The following AP4M1 variants were observed in gnomAD, a reference collection of about 807,000 sequenced individuals.
AP4M1 encodes the protein adaptor related protein complex 4 subunit mu 1.
Under a neutral mutation model 62.4 loss-of-function variants are expected in AP4M1, and 58 were observed. The observed-to-expected ratio is 0.93, with a 90% CI of 0.75 to 1.16. AP4M1 has a LOEUF of 1.16. AP4M1 is among the 50% of genes most tolerant of loss of function. AP4M1 has a pLI of 0.00. For synonymous variants in AP4M1, 290 were observed against 239.7 expected, an observed-to-expected ratio of 1.21 and a Z score of -1.94; for missense variants, 626 against 585.4, an observed-to-expected ratio of 1.07 and a Z score of -0.72.
In AP4M1 at chr7:100,102,728, G is replaced by T; in HGVS notation, c.201G>T (p.Val67=). The change falls in exon 3 of 15, where the codon GTG becomes GTT. Residue 67 remains valine (V), a synonymous_variant. Transcript: ENST00000359593. ...IHIRHSGLYL[V]VTTSENVSPF... Reference sequence around the variant, plus strand: ...TCAGACACAGCGGCCTCTATTTGGTGGTCACAACTTCAGAAAACGTTTCTC... The same window carrying T: ...TCAGACACAGCGGCCTCTATTTGGTTGTCACAACTTCAGAAAACGTTTCTC... The T allele has an allele frequency of 3.1e-6, 5 of 1,614,108 alleles. No homozygotes were observed. The highest frequency in any genetic ancestry group is 4.2e-6 in the Non-Finnish European group (5 of 1,180,018).
intron 7 of AP4M1, 135 bp from the exon 8 acceptor site, chr7:100,104,739 G>T (rs1046651489): frequency 2.0e-5 from 19 of 932,248 alleles, no homozygotes; most frequent in Non-Finnish European, 2.9e-5. Context: ...GCTGAGGCAG[G>T]AGAATGTCTT....
intron 10 of AP4M1, 25 bp downstream of exon 10, chr7:100,105,371 A>G (rs760489210): frequency 6.2e-7 from 1 of 1,613,574 alleles, no homozygotes; most frequent in East Asian, 2.2e-5. Context: ...GGCCTCATAA[A>G]TTCCGTCCAC....
rs1412502528 is a variant in AP4M1, at chr7:100,107,816, G to C, written c.*934G>C. 8 of 1,432,318 alleles carry C rather than the reference G, an allele frequency of 5.6e-6. No individual in the cohort carries two copies. In the African/African-American group the frequency reaches 7.2e-5, roughly 13 times the overall value. The allele number at this position is 1,432,318 out of a possible 1,614,324, so 88.7% of individuals were successfully genotyped here. ...AGGACCCTGGTGGGCGCCTCTTCCA[G>C]CTCTTGACTTGGGGCCCAGAGGGGA... is the stretch of plus-strand genomic sequence containing the variant. On this transcript the variant is annotated 3_prime_UTR_variant, in exon 15 of 15. Coordinates refer to ENST00000359593, the MANE Select transcript of AP4M1 (RefSeq NM_004722.4).
rs181205097 is a variant in AP4M1, at chr7:100,103,111, G to T, written c.351+151G>T. On this transcript the variant is annotated intron_variant, in intron 4 of 14. Coordinates refer to ENST00000359593, the MANE Select transcript of AP4M1 (RefSeq NM_004722.4). The stretch of plus-strand genomic sequence containing the variant: ...TTTAGAGACAGGGTCTTGCTCTGTT[G>T]CCCAGGCTGGACTGCAGTGGTGCAG... The T allele has an allele frequency of 5.8e-3, 3,911 of 674,416 alleles. 31 individuals are homozygous for T. The highest frequency in any genetic ancestry group is 0.011 in the South Asian group (647 of 58,046). 41.8% of individuals were successfully genotyped at this position (674,416 alleles called of 1,614,324 possible).
At chr7:100,106,594 C>G in intron 14 of AP4M1, 64 bp from the exon 15 acceptor site, 1 of 986,580 alleles carries the variant, frequency 1.0e-6, no homozygotes, top group Non-Finnish European at 1.5e-6. Flanking sequence ...GCAGCTGCTG[C>G]CTGGTTCCCC....
At chr7:100,101,557 G>A (rs777456523), upstream of AP4M1, 6 of 839,038 alleles carry the variant, frequency 7.2e-6, no homozygotes, top group African/African-American at 8.4e-5. Context: ...ATCTCCGGGC[G>A]GGGTAGTGCA....
intron 2 of AP4M1, chr7:100,102,197 A>G (rs1488904537): frequency 1.6e-6 from 1 of 626,652 alleles, no homozygotes; most frequent in Non-Finnish European, 2.8e-6. Context: ...CCTGGCCAAC[A>G]TGGTGAAACT....
upstream of AP4M1, chr7:100,101,443 G>A: frequency 1.8e-6 from 2 of 1,094,110 alleles, no homozygotes; most frequent in Non-Finnish European, 2.7e-6. Flanking sequence ...CTGCGTGCGG[G>A]CCAATCGGAC....
intron 11 of AP4M1, 93 bp downstream of exon 11, chr7:100,105,632 G>C (rs552922978): frequency 2.0e-4 from 266 of 1,302,516 alleles, no homozygotes; most frequent in Middle Eastern, 6.1e-4. Flanking sequence ...GGTGGTGGTA[G>C]TGGTGATGGA....
In AP4M1 at chr7:100,101,684, G is replaced by T. The variant is rs1440176100; in HGVS notation, c.-31G>T. 1.2e-6 allele frequency: 2 copies of T among 1,603,922 alleles called. No individual in the cohort carries two copies. Among genetic ancestry groups the T allele is most frequent in the Non-Finnish European group, 1.7e-6 (2 of 1,171,366 alleles). The stretch of plus-strand genomic sequence containing the variant: ...GCAGGGCGGGGCAGGCCCGACTTTC[G>T]CCGTCTTCTTGTCTACTCTCCAGAA... On this transcript the variant is annotated 5_prime_UTR_variant, in exon 1 of 15. Transcript: ENST00000359593.
chr7:100,106,415 G>A lies in AP4M1; in HGVS notation c.1038G>A (p.Glu346=), dbSNP rs772451758. ...LPRGVVSLSQ[E]LSSPEQKAEL... is the part of the protein sequence containing the mutation. ...TTCCAAACTCCAGCCTGTCTCAGGA[G>A]CTGAGCAGCCCAGAGCAGAAGGCTG... The change falls in exon 14 of 15, where the codon GAG becomes GAA. Residue 346 remains glutamate (E), a synonymous_variant. Transcript: ENST00000359593. 1.9e-6 allele frequency: 3 copies of A among 1,613,612 alleles called. No homozygotes were observed. The South Asian group carries it at 3.3e-5, about 18-fold the overall frequency.
At chr7:100,102,557 C>T (rs1796139215) in intron 2 of AP4M1, 118 bp from the exon 3 acceptor site, 3 of 853,056 alleles carry the variant, frequency 3.5e-6, no homozygotes, top group Admixed American at 2.0e-5. Context: ...ATGTATCTCC[C>T]AAAGGCACTG....
chr7:100,106,777 C>T lies in AP4M1; in HGVS notation c.1257C>T (p.Leu419=), dbSNP rs772168477. ...FELPRHTCSG[L]QVRFLRLAFR... is the part of the protein sequence containing the mutation. ...TTCCCCGGCACACGTGCTCTGGCCTCCAGGTCCGATTCCTCAGGCTGGCCT... is the reference window on the plus strand; with the variant it reads ...TTCCCCGGCACACGTGCTCTGGCCTTCAGGTCCGATTCCTCAGGCTGGCCT... The change falls in exon 15 of 15, where the codon CTC becomes CTT. Residue 419 remains leucine (L), a synonymous_variant. Transcript: ENST00000359593. The T allele has an allele frequency of 3.1e-6, 5 of 1,614,102 alleles. No individual in the cohort carries two copies. The Admixed American group carries it at 6.7e-5, about 22-fold the overall frequency.
At chr7:100,104,045 C>T (rs1214678864) in intron 6 of AP4M1, 47 bp from the exon 7 acceptor site, 2 of 1,529,352 alleles carry the variant, frequency 1.3e-6, no homozygotes, top group East Asian at 4.5e-5. Context: ...CATTTCAGAA[C>T]ATAGGCTATT....
chr7:100,105,834 C>A (rs1309123422), intron 11 of AP4M1, 125 bp from the exon 12 acceptor site: 1 of 1,193,230 alleles, frequency 8.4e-7, no homozygotes, highest in Non-Finnish European at 1.3e-6. Flanking sequence ...GGCTGGGCTT[C>A]AGCCCTTTTC....
upstream of AP4M1, chr7:100,101,583 G>A: frequency 2.0e-6 from 2 of 1,016,702 alleles, no homozygotes; most frequent in South Asian, 1.3e-5. Flanking sequence ...CGGGTTTCCC[G>A]CGGTCCGAGC....
chr7:100,101,531 C>G, upstream of AP4M1: 4 of 789,570 alleles, frequency 5.1e-6, no homozygotes, highest in Non-Finnish European at 2.1e-6. Context: ...GGAGGCGGTG[C>G]GGGCGTCGGA....
Position 100,107,009 on chromosome 7 carries a change from C to CA in AP4M1, c.*128dup. ...CAGGAAGAGTCCTCAGTCCCAAGACCAGGAGGGGGCAATGGGCCCAGCCTT... is the reference window on the plus strand; with the variant it reads ...CAGGAAGAGTCCTCAGTCCCAAGACCAAGGAGGGGGCAATGGGCCCAGCCTT... On this transcript the variant is annotated 3_prime_UTR_variant, in exon 15 of 15. Coordinates refer to ENST00000359593, the MANE Select transcript of AP4M1 (RefSeq NM_004722.4). The CA allele has an allele frequency of 7.8e-7, 1 of 1,278,028 alleles. No individual in the cohort carries two copies. The highest frequency in any genetic ancestry group is 1.1e-6 in the Non-Finnish European group (1 of 913,062). 79.2% of individuals were successfully genotyped at this position (1,278,028 alleles called of 1,614,324 possible).
chr7:100,107,900 G>T lies in AP4M1; in HGVS notation c.*1018G>T. ...CTGAGGTAACCCAGGCCCTCCAGAT[G>T]CTCCCTGTCCCACAGCTCTGCATAC... On this transcript the variant is annotated 3_prime_UTR_variant, in exon 15 of 15. Transcript: ENST00000359593. The T allele has an allele frequency of 6.3e-7, 1 of 1,579,510 alleles. No homozygotes were observed. Among genetic ancestry groups the T allele is most frequent in the Non-Finnish European group, 8.6e-7 (1 of 1,159,662 alleles).
Sources: allele counts gnomAD v4.1 joint callset, GRCh38; gene constraint gnomAD v4.1.1; transcripts MANE v1.5; gene names NCBI Gene and HGNC (gene_info 2026-07-23, HGNC 2026-07-21).